EDA: variants seen among roughly 807,000 people sequenced by gnomAD.
EDA encodes ectodysplasin-A.
In EDA, 2 loss-of-function variants were observed where a neutral mutation model predicts 23.6. The observed-to-expected ratio is 0.08, with a 90% CI of 0.03 to 0.27. The LOEUF (loss-of-function observed/expected upper bound fraction) is 0.27. EDA is among the 10% of genes least tolerant of loss of function. The probability of loss-of-function intolerance (pLI) is 1.00; values close to 1 mark genes in which losing one functional copy is unlikely to be tolerated. For synonymous variants in EDA, 131 were observed against 132.0 expected (o/e 0.99, Z 0.05); for missense variants, 229 against 324.2 (o/e 0.71, Z 2.26).
intron 1 of EDA, among the ~76,000 whole-genome samples, chrX:69,876,817 T>C (rs1254507202): frequency 8.9e-6 from 1 of 112,754 alleles, no homozygotes; most frequent in African/African-American, 3.2e-5. Context: ...ATGGACATGA[T>C]ATAGTTTATC....
At chrX:69,644,334 C>G (rs1260148859) in intron 1 of EDA, among the ~76,000 whole-genome samples, 1 of 110,627 alleles carries the variant, frequency 9.0e-6, no homozygotes, top group Non-Finnish European at 1.9e-5. Flanking sequence ...CCCTTGTTAG[C>G]TGTATTCCTA....
At chrX:69,824,926 A>G (rs1438539912) in intron 1 of EDA, among the ~76,000 whole-genome samples, 1 of 81,949 alleles carries the variant, frequency 1.2e-5, no homozygotes, top group African/African-American at 5.2e-5. Context: ...GAATTTTGTC[A>G]AAGGCCTTTT....
At chrX:69,679,035 T>C (rs1361632963) in intron 1 of EDA, among the ~76,000 whole-genome samples, 1 of 95,587 alleles carries the variant, frequency 1.0e-5, no homozygotes, top group Non-Finnish European at 2.0e-5. Context: ...GCATGAAGGG[T>C]TGTTGAATTT....
chrX:69,750,655 C>G (rs778150645), intron 1 of EDA, among the ~76,000 whole-genome samples: 207 of 111,155 alleles, frequency 1.9e-3, no homozygotes, highest in Non-Finnish European at 3.2e-3. Context: ...TAAGAGTGTT[C>G]CTATTTCTCC....
chrX:69,942,014 G>A (rs1310317228), intron 1 of EDA, among the ~76,000 whole-genome samples: 1 of 110,977 alleles, frequency 9.0e-6, no homozygotes, highest in Non-Finnish European at 1.9e-5. Context: ...TTAAACTGAT[G>A]GCAACTTAAC....
chrX:69,752,509 G>A (rs1411625681), intron 1 of EDA, among the ~76,000 whole-genome samples: 2 of 111,859 alleles, frequency 1.8e-5, no homozygotes, highest in Non-Finnish European at 3.8e-5. Flanking sequence ...TTGCATCGAT[G>A]TTCATCAGGG....
At chrX:69,790,140 A>G (rs765592630) in intron 1 of EDA, among the ~76,000 whole-genome samples, 2 of 111,801 alleles carry the variant, frequency 1.8e-5, no homozygotes, top group African/African-American at 3.2e-5. Flanking sequence ...ATGAAAATAT[A>G]TAAAGGAAAC....
chrX:70,002,333 A>G (rs921071838), intron 2 of EDA, among the ~76,000 whole-genome samples: 1 of 111,144 alleles, frequency 9.0e-6, no homozygotes, highest in Non-Finnish European at 1.9e-5. Flanking sequence ...TAATGAAAAA[A>G]AAAAACATGA....
chrX:69,732,862 A>G (rs753241709), intron 1 of EDA, among the ~76,000 whole-genome samples: 1 of 112,281 alleles, frequency 8.9e-6, no homozygotes, highest in South Asian at 3.7e-4. Context: ...GATAATGAGC[A>G]TTTCTTCATG....
chrX:69,856,278 T>TGTGG (rs2017250479), intron 1 of EDA, among the ~76,000 whole-genome samples: 6 of 107,431 alleles, frequency 5.6e-5, no homozygotes, highest in African/African-American at 2.0e-4. Flanking sequence ...TGTGTGTGTG[T>TGTGG]GTGTGTGTGT....
chrX:69,712,646 A>G (rs2012113968), intron 1 of EDA, among the ~76,000 whole-genome samples: 1 of 111,578 alleles, frequency 9.0e-6, no homozygotes, highest in Non-Finnish European at 1.9e-5. Context: ...TGTGGAAGTC[A>G]GTGTGGTGAT....
Position 70,028,050 on chromosome X carries a change from T to A in EDA, c.706+14T>A, listed in dbSNP as rs769756225. The A allele has an allele frequency of 2.1e-5, 25 of 1,194,546 alleles. No individual in the cohort carries two copies. Among genetic ancestry groups the A allele is most frequent in the Non-Finnish European group, 2.7e-5 (24 of 888,148 alleles). ...AGGGACCTTCTGGTGAGTTCCCCTGTCTCTCCACCCCACCAGGTGCCTTTA... is the reference window on the plus strand; with the variant it reads ...AGGGACCTTCTGGTGAGTTCCCCTGACTCTCCACCCCACCAGGTGCCTTTA... On this transcript the variant is annotated intron_variant, in intron 4 of 7. Coordinates refer to ENST00000374552, the MANE Select transcript of EDA (RefSeq NM_001399.5).
At chrX:69,754,486 C>G (rs1227438789) in intron 1 of EDA, among the ~76,000 whole-genome samples, 1 of 111,752 alleles carries the variant, frequency 8.9e-6, no homozygotes, top group Non-Finnish European at 1.9e-5. Context: ...TTCTGTCTGG[C>G]TGCCCTTAAC....
chrX:69,743,353 T>C (rs2013519269), intron 1 of EDA, among the ~76,000 whole-genome samples: 1 of 112,047 alleles, frequency 8.9e-6, no homozygotes, highest in Non-Finnish European at 1.9e-5. Context: ...CCATAATATT[T>C]AGTAGATACT....
intron 1 of EDA, among the ~76,000 whole-genome samples, chrX:69,651,497 T>G (rs1933103296): frequency 1.0e-5 from 1 of 99,575 alleles, no homozygotes. Flanking sequence ...GTGGGGGAAA[T>G]TTGGGGGGGT....
At chrX:69,675,972 G>A (rs187419649) in intron 1 of EDA, among the ~76,000 whole-genome samples, 49 of 111,172 alleles carry the variant, frequency 4.4e-4, no homozygotes, top group Non-Finnish European at 1.1e-4. Flanking sequence ...AGCATTCCAG[G>A]CAGAAGAAGT....
intron 1 of EDA, among the ~76,000 whole-genome samples, chrX:69,751,119 T>C (rs2013833300): frequency 9.1e-6 from 1 of 109,576 alleles, no homozygotes; most frequent in Admixed American, 9.8e-5. Flanking sequence ...TCCTGAATGG[T>C]ATTGCCTAGG....
intron 1 of EDA, among the ~76,000 whole-genome samples, chrX:69,681,954 T>C (rs973981031): frequency 1.2e-4 from 13 of 110,299 alleles, no homozygotes; most frequent in Middle Eastern, 4.6e-3. Flanking sequence ...TTTGTGGTTT[T>C]ATCTACTTTT....
chrX:69,716,358 T>C (rs960781554), intron 1 of EDA, among the ~76,000 whole-genome samples: 2 of 111,978 alleles, frequency 1.8e-5, no homozygotes, highest in East Asian at 5.6e-4. Flanking sequence ...TTGTTGACTT[T>C]GTCAAAGATC....
Sources: allele counts gnomAD v4.1 joint callset (sites outside exome capture counted in the v4.1 genomes callset), GRCh38; gene constraint gnomAD v4.1.1; transcripts MANE v1.5; gene names NCBI Gene and HGNC (gene_info 2026-07-23, HGNC 2026-07-21).